The following F8 variants were observed in gnomAD, a reference collection of about 807,000 sequenced individuals.
The protein encoded by F8 is coagulation factor VIII.
A neutral mutation model predicts 140.6 loss-of-function variants in F8; 12 were observed. The ratio of observed to expected loss-of-function variants is 0.09; its 90% CI spans 0.05 to 0.14. The LOEUF is 0.14. F8 is among the 10% of genes least tolerant of loss of function. The probability of loss-of-function intolerance (pLI) is 1.00; values close to 1 mark genes in which losing one functional copy is unlikely to be tolerated. For synonymous variants in F8, 585 were observed against 614.6 expected (o/e 0.95, Z 0.71); for missense variants, 1,354 against 1,720.7 (o/e 0.79, Z 3.77).
chrX:154,842,235 C>G (rs1557271387), intron 25 of F8, among the ~76,000 whole-genome samples: 1 of 111,134 alleles, frequency 9.0e-6, no homozygotes, highest in African/African-American at 3.3e-5. Context: ...ATTATTTGTG[C>G]CTTCTTTTCA....
chrX:154,846,170 A>G (rs1439724434), intron 25 of F8, among the ~76,000 whole-genome samples: 2 of 111,804 alleles, frequency 1.8e-5, no homozygotes, highest in African/African-American at 6.5e-5. Context: ...GTTTGTTATA[A>G]TTTCTGTTCT....
intron 25 of F8, among the ~76,000 whole-genome samples, chrX:154,844,375 C>T (rs1298362993): frequency 1.8e-5 from 2 of 111,750 alleles, no homozygotes; most frequent in Non-Finnish European, 3.8e-5. Context: ...TATAAAATAC[C>T]TTGGGCAGTA....
chrX:154,957,530 G>A (rs1171291182), intron 10 of F8, among the ~76,000 whole-genome samples: 1 of 111,104 alleles, frequency 9.0e-6, no homozygotes, highest in African/African-American at 3.3e-5. Flanking sequence ...TAGTAATTAA[G>A]TCTCATTCTG....
At chrX:154,844,735 G>A (rs1280611400) in intron 25 of F8, among the ~76,000 whole-genome samples, 50 of 111,249 alleles carry the variant, frequency 4.5e-4, no homozygotes, top group African/African-American at 6.5e-4. Flanking sequence ...TGTCGTCTGC[G>A]AACAGGGACA....
At chrX:154,871,561 T>C (rs1357502147) in intron 22 of F8, among the ~76,000 whole-genome samples, 1 of 111,967 alleles carries the variant, frequency 8.9e-6, no homozygotes, top group Non-Finnish European at 1.9e-5. Flanking sequence ...ATGGATCAAA[T>C]ACTTAAACGT....
At chrX:154,874,460 A>T (rs191276857) in intron 22 of F8, among the ~76,000 whole-genome samples, 2 of 112,560 alleles carry the variant, frequency 1.8e-5, no homozygotes, top group Admixed American at 9.4e-5. Flanking sequence ...CCTTCTTTCT[A>T]TATCATAACA....
intron 13 of F8, among the ~76,000 whole-genome samples, chrX:154,946,855 A>C (rs782057991): frequency 2.1e-4 from 23 of 111,141 alleles, no homozygotes; most frequent in Non-Finnish European, 9.4e-5. Flanking sequence ...AGAATATATA[A>C]GAAACTCTAG....
intron 13 of F8, among the ~76,000 whole-genome samples, chrX:154,946,342 T>C (rs920912388): frequency 1.8e-5 from 2 of 112,018 alleles, no homozygotes; most frequent in Admixed American, 9.4e-5. Flanking sequence ...AAAGCTGTAG[T>C]AACAAAAACA....
chrX:154,864,473 A>T (rs1339284498), intron 22 of F8, among the ~76,000 whole-genome samples: 1 of 112,632 alleles, frequency 8.9e-6, no homozygotes, highest in Non-Finnish European at 1.9e-5. Context: ...CCAGTAACCA[A>T]CCCTGAAGAA....
At chrX:154,982,244 G>A (rs781928527) in intron 6 of F8, among the ~76,000 whole-genome samples, 16 of 105,314 alleles carry the variant, frequency 1.5e-4, no homozygotes, top group Admixed American at 1.2e-3. Flanking sequence ...TCAGGAGATC[G>A]AGACCATCCT....
intron 22 of F8, among the ~76,000 whole-genome samples, chrX:154,872,780 T>C (rs1367127016): frequency 9.0e-6 from 1 of 111,609 alleles, no homozygotes; most frequent in Non-Finnish European, 1.9e-5. Context: ...TGATCATACA[T>C]GTAGAAAACT....
At chrX:154,946,356 C>T (rs4898400) in intron 13 of F8, among the ~76,000 whole-genome samples, 24,990 of 111,253 alleles carry the variant, frequency 0.22, 2,569 homozygotes, top group African/African-American at 0.4. Flanking sequence ...AAAAACAGCA[C>T]GGTACTGGCA....
chrX:154,956,948 A>C lies in F8; in HGVS notation c.1752+9T>G, dbSNP rs782495015. 3.0e-5 allele frequency: 36 copies of C among 1,203,021 alleles called. No individual in the cohort carries two copies. The South Asian group carries it at 6.3e-4, about 21-fold the overall frequency. On this transcript the variant is annotated intron_variant, in intron 11 of 25. Coordinates refer to ENST00000360256, the MANE Select transcript of F8 (RefSeq NM_000132.4). ...ATGAAACCCAGCACTTGGAAAGGCA[A>C]GAACTCACCTGGTTTCCTCTTTGAT...
intron 5 of F8, among the ~76,000 whole-genome samples, chrX:154,986,394 G>T (rs2073558643): frequency 9.0e-6 from 1 of 111,348 alleles, no homozygotes. Flanking sequence ...GGGCTCAAGT[G>T]ATCCTCCCAC....
chrX:154,851,740 T>C (rs1425675934), intron 25 of F8, among the ~76,000 whole-genome samples: 1 of 111,531 alleles, frequency 9.0e-6, no homozygotes, highest in Non-Finnish European at 1.9e-5. Flanking sequence ...CCTTTACCCA[T>C]TTTAAAATTT....
Position 154,930,979 on chromosome X carries a change from A to T in F8, c.2811T>A (p.Asp937Glu), listed in dbSNP as rs1557278758. Residue 937 changes from aspartate (D) to glutamate (E), a missense_variant, in exon 14 of 26, where the codon GAT becomes GAA. This residue lies in a region of F8 where 658 missense variants were observed against 666.5 expected (regional missense o/e 0.99). Transcript: ENST00000360256. ...SMPVHYDSQL[D>E]TTLFGKKSSP... ...ATGACTTTTTGCCAAATAGAGTGGT[A>T]TCTAATTGACTATCATAATGAACTG... 8.4e-7 allele frequency: 1 copy of T among 1,193,019 alleles called. No homozygotes were observed. The highest frequency in any genetic ancestry group is 1.8e-5 in the African/African-American group (1 of 56,630).
At chrX:154,876,266 C>G (rs1294183354) in intron 22 of F8, among the ~76,000 whole-genome samples, 4 of 109,108 alleles carry the variant, frequency 3.7e-5, no homozygotes, top group African/African-American at 1.0e-4. Flanking sequence ...ACTACAGGCG[C>G]CCACCACCAC....
intron 9 of F8, 45 bp downstream of exon 9, chrX:154,965,925 A>T (rs1452973446): frequency 1.7e-6 from 2 of 1,179,309 alleles, no homozygotes; most frequent in Non-Finnish European, 2.3e-6. Context: ...AAAACTCTCC[A>T]GACTTTTTCT....
At chrX:154,900,088 C>A (rs2073002156) in intron 20 of F8, 137 bp from the exon 21 acceptor site, 2 of 487,350 alleles carry the variant, frequency 4.1e-6, no homozygotes, top group Admixed American at 3.8e-5. Flanking sequence ...TTATGGCATA[C>A]CAGTATCAAT....
Sources: allele counts gnomAD v4.1 joint callset (sites outside exome capture counted in the v4.1 genomes callset), GRCh38; gene constraint gnomAD v4.1.1; regional missense constraint gnomAD v4.1.1; transcripts MANE v1.5; gene names NCBI Gene and HGNC (gene_info 2026-07-23, HGNC 2026-07-21).